The following CSE1L variants were observed in gnomAD, a reference collection of about 807,000 sequenced individuals.
CSE1L encodes exportin-2.
A neutral mutation model predicts 120.4 loss-of-function variants in CSE1L; 24 were observed. That is an observed-to-expected ratio of 0.20 (90% CI 0.14 to 0.28). The LOEUF (loss-of-function observed/expected upper bound fraction) is 0.28. Ranked by LOEUF, CSE1L falls within the 10% of genes least tolerant of loss-of-function variation. The pLI is 1.00. For synonymous variants in CSE1L, 402 were observed against 398.3 expected (o/e 1.01, Z -0.11); for missense variants, 830 against 1,145.2 (o/e 0.72, Z 3.97).
chr20:49,063,820 C>T (rs2091870228), intron 3 of CSE1L, among the ~76,000 whole-genome samples: 1 of 152,144 alleles, frequency 6.6e-6, no homozygotes, highest in South Asian at 2.1e-4. Flanking sequence ...AAATCAGATA[C>T]ATAAAACATT....
chr20:49,069,368 A>G lies in CSE1L; in HGVS notation c.675+546A>G, dbSNP rs79550360. ...GTTGCTACTGAGATAGTGGCCTCCA[A>G]TCATTCTTTCTGTTCTTAATCATTA... On this transcript the variant is annotated intron_variant, in intron 7 of 24. Transcript: ENST00000262982. 6.4e-3 allele frequency among the ~76,000 whole-genome samples: 974 copies of G among 152,328 alleles called. 7 individuals are homozygous for G. The highest frequency in any genetic ancestry group is 0.01 in the Middle Eastern group (3 of 294).
intron 3 of CSE1L, among the ~76,000 whole-genome samples, chr20:49,063,953 T>A (rs982801463): frequency 1.3e-5 from 2 of 152,246 alleles, no homozygotes; most frequent in Admixed American, 1.3e-4. Flanking sequence ...GTTTAATGAT[T>A]AGTAAATTAT....
At chr20:49,070,151 AGTG>A in intron 7 of CSE1L, 51 bp from the exon 8 acceptor site, 1 of 812,356 alleles carries the variant, frequency 1.2e-6, no homozygotes. Flanking sequence ...AACTTATAAA[AGTG>A]GTGTTCTTAA....
In CSE1L at chr20:49,059,000, G is replaced by A. The variant is rs369506511; in HGVS notation, c.85+452G>A. On this transcript the variant is annotated intron_variant, in intron 2 of 24. Transcript: ENST00000262982. ...CAAAAAATTAGCCGGGCGTGGTGGC[G>A]GGTGCCTGTGGTCCCAGCTACTCAG... Among the ~76,000 whole-genome samples, 18 of 152,006 alleles carry A rather than the reference G, an allele frequency of 1.2e-4. No individual in the cohort carries two copies. The East Asian group carries it at 3.1e-3, about 26-fold the overall frequency.
In CSE1L at chr20:49,065,304, GAAA is replaced by G. The variant is rs73623295; in HGVS notation, c.229-881_229-879del. The stretch of plus-strand genomic sequence containing the variant: ...GTCCTGATTAGTTTACATATGAAAT[GAAA>G]AAAAAATTTTTTTTTTTTTTTTTTT... On this transcript the variant is annotated intron_variant, in intron 3 of 24. Coordinates refer to ENST00000262982, the MANE Select transcript of CSE1L (RefSeq NM_001316.4). 6.0e-3 allele frequency among the ~76,000 whole-genome samples: 442 copies of G among 73,154 alleles called. 7 individuals carry two copies. The highest frequency in any genetic ancestry group is 0.015 in the African/African-American group (317 of 21,422). 48.0% of individuals were successfully genotyped at this position (73,154 alleles called of 152,430 possible). A position where few individuals can be genotyped will look rare whatever the true frequency, so the allele number is the denominator to read the frequency against.
At position 49,072,674 on chromosome 20, in the gene CSE1L, T is replaced by C; in HGVS notation, c.1043T>C (p.Ile348Thr). The C allele has an allele frequency of 6.2e-7, 1 of 1,612,598 alleles. No homozygotes were observed. Among genetic ancestry groups the C allele is most frequent in the Non-Finnish European group, 8.5e-7 (1 of 1,179,602 alleles). Residue 348 changes from isoleucine (I) to threonine (T), a missense_variant, in exon 10 of 25, where the codon ATT (isoleucine) becomes ACT (threonine). Ile to Thr is a moderately conservative substitution (Grantham distance 89, BLOSUM62 -1). Transcript: ENST00000262982. ...CTGACAAGTATCTGTGAAAAGGTTA[T>C]TGTGCCTAACATGGAATTTAGAGGT... ...NTLTSICEKV[I>T]VPNMEFRAAD...
intron 10 of CSE1L, among the ~76,000 whole-genome samples, chr20:49,073,816 A>T (rs1327663810): frequency 6.6e-6 from 1 of 152,078 alleles, no homozygotes; most frequent in East Asian, 1.9e-4. Flanking sequence ...AATAGTTATT[A>T]GATCAGTGGT....
At chr20:49,080,248 T>TG (rs1301581646) in intron 14 of CSE1L, among the ~76,000 whole-genome samples, 15 of 151,290 alleles carry the variant, frequency 9.9e-5, no homozygotes, top group African/African-American at 3.6e-4. Context: ...ATCTGGTTGT[T>TG]TTGTTTTTTT....
rs983157560 is a variant in CSE1L at position 49,070,216 on chromosome 20, A to G, written c.687A>G (p.Glu229=). 2.8e-6 allele frequency: 4 copies of G among 1,436,626 alleles called. No homozygotes were observed. Among genetic ancestry groups the G allele is most frequent in the African/African-American group, 1.4e-5 (1 of 69,912 alleles). 89.0% of individuals were successfully genotyped at this position (1,436,626 alleles called of 1,614,324 possible). Reference sequence around the variant, plus strand: ...TGTTTATTCTGTAGGATCTCCCTGAATTTTTTGAAGATAATATGGAAACTT... The same window carrying G: ...TGTTTATTCTGTAGGATCTCCCTGAGTTTTTTGAAGATAATATGGAAACTT... ...FYSLNFQDLP[E]FFEDNMETWM... is the part of the protein sequence containing the mutation. Residue 229 remains glutamate, a synonymous_variant, in exon 8 of 25, where the codon GAA becomes GAG. Coordinates refer to ENST00000262982, the MANE Select transcript of CSE1L (RefSeq NM_001316.4).
At chr20:49,047,217 G>T (rs13042443) in intron 1 of CSE1L, among the ~76,000 whole-genome samples, 32,630 of 151,984 alleles carry the variant, frequency 0.21, 3,638 homozygotes, top group Non-Finnish European at 0.24. Flanking sequence ...TCATCTCACT[G>T]AGCCTCCATT....
intron 16 of CSE1L, among the ~76,000 whole-genome samples, chr20:49,085,589 T>TTTTTTA (rs11474758): frequency 7.2e-6 from 1 of 138,668 alleles, no homozygotes; most frequent in Non-Finnish European, 1.6e-5. Flanking sequence ...TTTTTTTTTT[T>TTTTTTA]GAGATGGAGC....
chr20:49,066,092 A>T, intron 3 of CSE1L, 100 bp from the exon 4 acceptor site: 1 of 991,994 alleles, frequency 1.0e-6, no homozygotes, highest in Non-Finnish European at 1.5e-6. Context: ...TTGTTTTCTT[A>T]GAAAATTAGT....
chr20:49,084,660 C>G (rs899477050), intron 15 of CSE1L, among the ~76,000 whole-genome samples: 1 of 152,148 alleles, frequency 6.6e-6, no homozygotes, highest in Non-Finnish European at 1.5e-5. Flanking sequence ...GAAAGTAATT[C>G]ACTGGGGACC....
chr20:49,070,967 T>C (rs978811887), intron 8 of CSE1L, among the ~76,000 whole-genome samples: 1 of 151,964 alleles, frequency 6.6e-6, no homozygotes, highest in Admixed American at 6.6e-5. Flanking sequence ...TATCCACAGC[T>C]CGAGAAAGAG....
chr20:49,050,352 A>G (rs1392486394), intron 1 of CSE1L, among the ~76,000 whole-genome samples: 1 of 146,430 alleles, frequency 6.8e-6, no homozygotes, highest in Non-Finnish European at 1.5e-5. Flanking sequence ...CCTAGTAGCT[A>G]GGACCACAGG....
At chr20:49,048,676 A>C (rs1348256555) in intron 1 of CSE1L, among the ~76,000 whole-genome samples, 1 of 152,182 alleles carries the variant, frequency 6.6e-6, no homozygotes, top group Non-Finnish European at 1.5e-5. Flanking sequence ...AGAGTGTTAC[A>C]TGAAGAAGGG....
At position 49,063,298 on chromosome 20, in the gene CSE1L, G is replaced by A; in HGVS notation, c.182G>A (p.Cys61Tyr). ...EKSQDNVIKV[C>Y]ASVTFKNYIK... ...TCCCAGGATAATGTTATCAAAGTAT[G>A]TGCTTCAGTAACATTCAAAAACTAT... Residue 61 changes from cysteine (C) to tyrosine (Y), a missense_variant, in exon 3 of 25, where the codon TGT becomes TAT. Cys to Tyr is a radical substitution (Grantham distance 194). This residue lies in a region of CSE1L where 543 missense variants were observed against 640.2 expected (regional missense o/e 0.85). Transcript: ENST00000262982. 1 of 1,557,842 alleles carries A rather than the reference G, an allele frequency of 6.4e-7. No homozygotes were observed. The highest frequency in any genetic ancestry group is 8.7e-7 in the Non-Finnish European group (1 of 1,146,218).
chr20:49,063,132 A>G (rs2091864958), intron 2 of CSE1L, 70 bp from the exon 3 acceptor site: 4 of 783,792 alleles, frequency 5.1e-6, no homozygotes, highest in Non-Finnish European at 5.3e-6. Flanking sequence ...TTTTTTATAT[A>G]TATATATTTG....
At chr20:49,066,145 T>G in intron 3 of CSE1L, 47 bp from the exon 4 acceptor site, 1 of 1,460,114 alleles carries the variant, frequency 6.8e-7, no homozygotes, top group Non-Finnish European at 9.6e-7. Context: ...CATGTGGACA[T>G]GAATGTGGAT....
Sources: gnomAD v4.1 joint callset for allele counts (sites outside exome capture counted in the v4.1 genomes callset) on GRCh38, gnomAD v4.1.1 for gene constraint, gnomAD v4.1.1 regional missense constraint, MANE v1.5 for transcripts, NCBI Gene and HGNC (gene_info 2026-07-23, HGNC 2026-07-21) for gene names.